Variants in HSD17B3 observed in about 807,000 individuals in gnomAD.
HSD17B3 encodes 17-beta-hydroxysteroid dehydrogenase type 3.
In HSD17B3, 29 loss-of-function variants were observed where a neutral mutation model predicts 41.1. The ratio of observed to expected loss-of-function variants is 0.71; its 90% CI spans 0.53 to 0.96. The LOEUF is 0.96. Ranked by LOEUF, HSD17B3 falls within the 40% of genes least tolerant of loss-of-function variation. The probability of loss-of-function intolerance (pLI) is 0.00; values close to 1 mark genes in which losing one functional copy is unlikely to be tolerated. For synonymous variants in HSD17B3, 126 were observed against 145.6 expected, an observed-to-expected ratio of 0.87 and a Z score of 0.97; for missense variants, 323 against 374.6, an observed-to-expected ratio of 0.86 and a Z score of 1.14.
At chr9:96,241,759 A>G (rs1836447218) in intron 9 of HSD17B3, among the ~76,000 whole-genome samples, 1 of 151,938 alleles carries the variant, frequency 6.6e-6, no homozygotes, top group Non-Finnish European at 1.5e-5. Context: ...ACATGGCAAA[A>G]CCTCATCTCC....
intron 2 of HSD17B3, among the ~76,000 whole-genome samples, chr9:96,264,333 G>T (rs1302195704): frequency 6.6e-6 from 1 of 152,018 alleles, no homozygotes; most frequent in African/African-American, 2.4e-5. Context: ...AATAGAAATG[G>T]GGGGTGGGAA....
Position 96,301,935 on chromosome 9 carries a change from T to C in HSD17B3, c.154+16A>G, listed in dbSNP as rs1179477414. 6.2e-7 allele frequency: 1 copy of C among 1,613,118 alleles called. No homozygotes were observed. The highest frequency in any genetic ancestry group is 8.5e-7 in the Non-Finnish European group (1 of 1,179,408). On this transcript the variant is annotated intron_variant, in intron 1 of 10. Transcript: ENST00000375263. ...ACAACAGCAGCAAAAAAACATGAGA[T>C]GGAACACTCCCTTACCTGCCCACTG...
chr9:96,288,639 T>C (rs544098490), intron 2 of HSD17B3, among the ~76,000 whole-genome samples: 1 of 151,492 alleles, frequency 6.6e-6, no homozygotes, highest in Admixed American at 6.6e-5. Flanking sequence ...CTACAAAAAT[T>C]AAAATTAAAA....
intron 1 of HSD17B3, among the ~76,000 whole-genome samples, chr9:96,301,632 A>G (rs1827609882): frequency 6.7e-6 from 1 of 148,962 alleles, no homozygotes; most frequent in Non-Finnish European, 1.5e-5. Context: ...AATTGCTTGA[A>G]CCCAGGAGGC....
intron 2 of HSD17B3, among the ~76,000 whole-genome samples, chr9:96,272,230 G>A (rs1826270000): frequency 6.6e-6 from 1 of 150,514 alleles, no homozygotes; most frequent in South Asian, 2.1e-4. Flanking sequence ...TGAGCCAGGT[G>A]TGGTGGTACG....
At chr9:96,246,991 C>T (rs1204748238) in intron 6 of HSD17B3, among the ~76,000 whole-genome samples, 2 of 152,142 alleles carry the variant, frequency 1.3e-5, no homozygotes, top group Non-Finnish European at 2.9e-5. Flanking sequence ...ATGGGGAAAC[C>T]TAACAAGACT....
At chr9:96,241,375 T>C (rs2476920) in intron 9 of HSD17B3, among the ~76,000 whole-genome samples, 39,766 of 152,154 alleles carry the variant, frequency 0.26, 5,458 homozygotes, top group Middle Eastern at 0.32. Context: ...GGCAACTCTA[T>C]CTCAGAAGTT....
chr9:96,256,758 ATT>A (rs1045425871), intron 2 of HSD17B3, among the ~76,000 whole-genome samples: 2 of 151,852 alleles, frequency 1.3e-5, no homozygotes, highest in African/African-American at 4.8e-5. Flanking sequence ...ATAGCCAGCA[ATT>A]CACTATGGCC....
intron 2 of HSD17B3, among the ~76,000 whole-genome samples, chr9:96,294,109 C>T (rs1827260308): frequency 6.6e-6 from 1 of 152,158 alleles, no homozygotes; most frequent in African/African-American, 2.4e-5. Context: ...TTGTTTAACA[C>T]AGCCTCAGTA....
chr9:96,282,714 C>T (rs371187598), intron 2 of HSD17B3, among the ~76,000 whole-genome samples: 5 of 152,092 alleles, frequency 3.3e-5, no homozygotes, highest in African/African-American at 7.2e-5. Flanking sequence ...AACATTGTAA[C>T]GTGTAATTAA....
At chr9:96,298,978 G>C (rs1827471742) in intron 1 of HSD17B3, among the ~76,000 whole-genome samples, 1 of 152,104 alleles carries the variant, frequency 6.6e-6, no homozygotes, top group Non-Finnish European at 1.5e-5. Context: ...AGGGAATTTA[G>C]CAAAGAGGAA....
intron 10 of HSD17B3, 62 bp from the exon 11 acceptor site, chr9:96,235,632 T>C: frequency 2.7e-6 from 1 of 373,640 alleles, no homozygotes; most frequent in Non-Finnish European, 4.1e-6. Context: ...CAGTTCATCT[T>C]TGTGGTCTTT....
intron 2 of HSD17B3, among the ~76,000 whole-genome samples, chr9:96,273,560 G>A (rs992884166): frequency 2.0e-5 from 3 of 152,216 alleles, no homozygotes; most frequent in Admixed American, 6.5e-5. Context: ...CACAGATGCC[G>A]ATCCAAGCCA....
chr9:96,298,064 T>A (rs1408357463), intron 2 of HSD17B3, among the ~76,000 whole-genome samples: 1 of 152,212 alleles, frequency 6.6e-6, no homozygotes, highest in African/African-American at 2.4e-5. Flanking sequence ...AATCAATATA[T>A]GCCCTAGCTT....
In HSD17B3 at chr9:96,272,373, A is replaced by ATCTCTCTCTCTCTCTCTCTCTCTCTCTC. The variant is rs373017603; in HGVS notation, c.202-17458_202-17431dup. 2.5e-3 allele frequency among the ~76,000 whole-genome samples: 11 copies of ATCTCTCTCTCTCTCTCTCTCTCTCTCTC among 4,420 alleles called. 4 individuals carry two copies. The highest frequency in any genetic ancestry group is 2.5e-3 in the African/African-American group (4 of 1,570). The allele number at this position is 4,420 out of a possible 152,430, so 2.9% of individuals were successfully genotyped here. A position where few individuals can be genotyped will look rare whatever the true frequency, so the allele number is the denominator to read the frequency against. On this transcript the variant is annotated intron_variant, in intron 2 of 10. Transcript: ENST00000375263. Reference sequence around the variant, plus strand: ...GCCTGGGCAACAAGAGTAAGACTGCATCTCTCTCTCTCTCTCTCTCTCTCT... The same window carrying ATCTCTCTCTCTCTCTCTCTCTCTCTCTC: ...GCCTGGGCAACAAGAGTAAGACTGCATCTCTCTCTCTCTCTCTCTCTCTCTCTCTCTCTCTCTCTCTCTCTCTCTCTCT...
At chr9:96,290,815 C>CA (rs1230770655) in intron 2 of HSD17B3, among the ~76,000 whole-genome samples, 1 of 151,516 alleles carries the variant, frequency 6.6e-6, no homozygotes, top group Non-Finnish European at 1.5e-5. Flanking sequence ...GTTTGTGTGA[C>CA]AGAGTGAGAC....
At chr9:96,294,135 C>CT (rs1299111795) in intron 2 of HSD17B3, among the ~76,000 whole-genome samples, 1 of 152,140 alleles carries the variant, frequency 6.6e-6, no homozygotes, top group Non-Finnish European at 1.5e-5. Flanking sequence ...CATAAAGAGG[C>CT]TGGGCACAAT....
intron 2 of HSD17B3, among the ~76,000 whole-genome samples, chr9:96,265,381 TA>T (rs1012990080): frequency 6.6e-6 from 1 of 152,232 alleles, no homozygotes; most frequent in African/African-American, 2.4e-5. Context: ...TATAAAACTT[TA>T]ACAACTGCTA....
intron 1 of HSD17B3, 76 bp from the exon 2 acceptor site, chr9:96,298,538 A>C: frequency 2.1e-4 from 267 of 1,276,480 alleles, no homozygotes; most frequent in Non-Finnish European, 2.7e-4. Context: ...ACGTTTTCTC[A>C]CAAGCCTAGT....
Sources: gnomAD v4.1 joint callset for allele counts (sites outside exome capture counted in the v4.1 genomes callset) on GRCh38, gnomAD v4.1.1 for gene constraint, MANE v1.5 for transcripts, NCBI Gene and HGNC (gene_info 2026-07-23, HGNC 2026-07-21) for gene names.